THRB: variants seen among roughly 807,000 people sequenced by gnomAD.
The protein encoded by THRB is thyroid hormone receptor beta, also known as nuclear receptor subfamily 1 group A member 2.
Under a neutral mutation model 47.8 loss-of-function variants are expected in THRB, and 12 were observed. That is an observed-to-expected ratio of 0.25 (90% CI 0.16 to 0.41). THRB has a LOEUF of 0.41. THRB is among the 10% of genes least tolerant of loss of function. The pLI, the probability that THRB is intolerant of heterozygous loss-of-function variation, is 1.00. For missense variants in THRB, 348 were observed against 589.2 expected (o/e 0.59, Z 4.24); for synonymous variants, 218 against 212.2 (o/e 1.03, Z -0.24).
intron 3 of THRB, among the ~76,000 whole-genome samples, chr3:24,268,565 T>A (rs1300254284): frequency 6.6e-6 from 1 of 152,176 alleles, no homozygotes; most frequent in Non-Finnish European, 1.5e-5. Context: ...TTCCTTTTAG[T>A]TTTTCTCCTG....
chr3:24,209,277 C>T (rs920011792), intron 4 of THRB, among the ~76,000 whole-genome samples: 7 of 152,146 alleles, frequency 4.6e-5, no homozygotes, highest in South Asian at 4.1e-4. Flanking sequence ...GACAGTGTGG[C>T]GATTCCTCAA....
chr3:24,236,894 A>T (rs530667455), intron 3 of THRB, among the ~76,000 whole-genome samples: 2 of 152,290 alleles, frequency 1.3e-5, no homozygotes, highest in African/African-American at 4.8e-5. Flanking sequence ...TAATGGTTGA[A>T]TTTCTCATGA....
Position 24,297,064 on chromosome 3 carries a change from C to T in THRB, c.-43+162G>A, listed in dbSNP as rs562025308. ...ATCACAAGGCATATCTGAGGGAAGA[C>T]ATCTTTTGAAGGCACTGAATGCCAG... On this transcript the variant is annotated intron_variant, in intron 3 of 10. Transcript: ENST00000646209. 1.2e-4 allele frequency among the ~76,000 whole-genome samples: 19 copies of T among 152,316 alleles called. No individual in the cohort carries two copies. In the South Asian group the frequency reaches 3.3e-3, roughly 27 times the overall value.
At chr3:24,490,999 T>C (rs1195356215) in intron 1 of THRB, among the ~76,000 whole-genome samples, 3 of 152,202 alleles carry the variant, frequency 2.0e-5, no homozygotes, top group Non-Finnish European at 4.4e-5. Context: ...TCAAGTATTA[T>C]CCATGATATA....
At chr3:24,296,784 G>C (rs2056482021) in intron 3 of THRB, among the ~76,000 whole-genome samples, 1 of 152,194 alleles carries the variant, frequency 6.6e-6, no homozygotes, top group Admixed American at 6.5e-5. Context: ...GGCTCCTTAA[G>C]GGATGTCAGT....
At chr3:24,291,019 G>C (rs2055866672) in intron 3 of THRB, among the ~76,000 whole-genome samples, 1 of 152,060 alleles carries the variant, frequency 6.6e-6, no homozygotes, top group South Asian at 2.1e-4. Context: ...GCTTAATTAA[G>C]CAAAAAACAC....
At chr3:24,238,265 G>GTGTGTGTA (rs1334301299) in intron 3 of THRB, among the ~76,000 whole-genome samples, 1 of 18,236 alleles carries the variant, frequency 5.5e-5, no homozygotes, top group South Asian at 2.3e-3. Flanking sequence ...GTGTGTGTAT[G>GTGTGTGTA]TGTGTGTGTG....
rs150119765 is a variant in THRB at position 24,183,060 on chromosome 3, G to A, written c.283+7014C>T. Among the ~76,000 whole-genome samples the A allele has an allele frequency of 2.6e-5, 4 of 152,144 alleles. No individual in the cohort carries two copies. In the East Asian group the frequency reaches 7.7e-4, roughly 29 times the overall value. ...TTATTTAAAGTTTTAAATTTTAAAA[G>A]AGTCTGAGAAAAAAAATACTTTGGT... On this transcript the variant is annotated intron_variant, in intron 5 of 10. Coordinates refer to ENST00000646209, the MANE Select transcript of THRB (RefSeq NM_001354712.2).
intron 1 of THRB, among the ~76,000 whole-genome samples, chr3:24,439,797 G>A (rs1337815273): frequency 6.6e-6 from 1 of 152,158 alleles, no homozygotes; most frequent in African/African-American, 2.4e-5. Flanking sequence ...CTCTTCTACA[G>A]GTGAAAGAGC....
chr3:24,134,494 G>C (rs1473641452), intron 8 of THRB, among the ~76,000 whole-genome samples: 1 of 152,096 alleles, frequency 6.6e-6, no homozygotes, highest in African/African-American at 2.4e-5. Flanking sequence ...TTCAAATCCT[G>C]ATTCGCAGGT....
intron 3 of THRB, among the ~76,000 whole-genome samples, chr3:24,285,626 C>T (rs1416221361): frequency 6.6e-6 from 1 of 151,882 alleles, no homozygotes; most frequent in African/African-American, 2.4e-5. Flanking sequence ...CCATATTAAT[C>T]TTATTTTCTC....
At chr3:24,243,146 TCA>T (rs1246290191) in intron 3 of THRB, among the ~76,000 whole-genome samples, 2 of 149,912 alleles carry the variant, frequency 1.3e-5, no homozygotes, top group Non-Finnish European at 3.0e-5. Flanking sequence ...AGCTCAGGCC[TCA>T]GTTTGTAAAG....
intron 1 of THRB, among the ~76,000 whole-genome samples, chr3:24,369,252 A>C (rs1030897685): frequency 6.6e-6 from 1 of 152,152 alleles, no homozygotes; most frequent in Non-Finnish European, 1.5e-5. Flanking sequence ...CATATCTACT[A>C]TATGAAACAT....
intron 1 of THRB, among the ~76,000 whole-genome samples, chr3:24,352,659 G>T (rs1437550323): frequency 6.6e-6 from 1 of 152,008 alleles, no homozygotes; most frequent in Non-Finnish European, 1.5e-5. Context: ...CACAATGCAA[G>T]AATTCATCAC....
chr3:24,229,889 T>C (rs1220640383), intron 3 of THRB, among the ~76,000 whole-genome samples: 1 of 152,180 alleles, frequency 6.6e-6, no homozygotes, highest in African/African-American at 2.4e-5. Context: ...AACGTTGTAA[T>C]ATACTACTAG....
At chr3:24,332,827 C>T (rs1413886771) in intron 2 of THRB, among the ~76,000 whole-genome samples, 4 of 152,070 alleles carry the variant, frequency 2.6e-5, no homozygotes, top group Non-Finnish European at 4.4e-5. Context: ...GAGGCCGAGG[C>T]GGGCGGATCA....
At chr3:24,334,420 T>C (rs2062109428) in intron 2 of THRB, among the ~76,000 whole-genome samples, 1 of 152,236 alleles carries the variant, frequency 6.6e-6, no homozygotes, top group African/African-American at 2.4e-5. Context: ...ATTTGATGAA[T>C]ATTTTTAAAA....
At chr3:24,269,309 ACACACACACACACG>A (rs2053008187) in intron 3 of THRB, among the ~76,000 whole-genome samples, 8 of 126,328 alleles carry the variant, frequency 6.3e-5, no homozygotes, top group South Asian at 2.7e-4. Context: ...ACACACACAC[ACACACACACACACG>A]TTATCTTTGC....
intron 3 of THRB, among the ~76,000 whole-genome samples, chr3:24,291,250 G>A (rs963700418): frequency 1.3e-5 from 2 of 152,178 alleles, no homozygotes; most frequent in African/African-American, 4.8e-5. Context: ...TTAGAAGAAA[G>A]ACACAGAAAA....
Sources: gnomAD v4.1 joint callset for allele counts (sites outside exome capture counted in the v4.1 genomes callset) on GRCh38, gnomAD v4.1.1 for gene constraint, MANE v1.5 for transcripts, NCBI Gene and HGNC (gene_info 2026-07-23, HGNC 2026-07-21) for gene names.